CRYM: variants seen among roughly 807,000 people sequenced by gnomAD.
The protein encoded by CRYM is ketimine reductase mu-crystallin.
In CRYM, 18 loss-of-function variants were observed where a neutral mutation model predicts 32.9. The observed-to-expected ratio is 0.55, with a 90% CI of 0.38 to 0.81. The LOEUF (loss-of-function observed/expected upper bound fraction) is 0.81, where lower values mean the gene tolerates loss of function less well. Among genes scored for constraint, CRYM ranks in the 30% least tolerant of loss-of-function variants. CRYM has a pLI of 0.00. For missense variants in CRYM, 337 were observed against 393.5 expected, an observed-to-expected ratio of 0.86 and a Z score of 1.21; for synonymous variants, 153 against 152.4, an observed-to-expected ratio of 1.00 and a Z score of -0.03.
exon 1 of CRYM, chr16:21,302,999 C>T (rs1017141599): frequency 6.5e-6 from 1 of 153,688 alleles, no homozygotes; most frequent in African/African-American, 2.4e-5. Context: ...GCTGAGGAGG[C>T]CTCACAATCA....
upstream of CRYM, among the ~76,000 whole-genome samples, chr16:21,282,246 C>T (rs2093399520): frequency 6.6e-6 from 1 of 152,192 alleles, no homozygotes; most frequent in Admixed American, 6.5e-5. Context: ...TGAGGCCTCC[C>T]CAGCCATGTG....
At chr16:21,272,932 T>A (rs888256060) in intron 3 of CRYM, among the ~76,000 whole-genome samples, 1 of 149,100 alleles carries the variant, frequency 6.7e-6, no homozygotes, top group Non-Finnish European at 1.5e-5. Context: ...CCTCCCAAAG[T>A]GCTGGGATTG....
chr16:21,277,468 A>G lies in CRYM; in HGVS notation c.287T>C (p.Val96Ala). 9 of 1,613,744 alleles carry G rather than the reference A, an allele frequency of 5.6e-6. No individual in the cohort carries two copies. The highest frequency in any genetic ancestry group is 7.6e-6 in the Non-Finnish European group (9 of 1,179,960). ...GCCATTGCTGGGCTCAAAGAGTAGC[A>G]CAGTAGCCTGGTGGGAAGGGACGAC... ...TSVVPSHQAT[V>A]LLFEPSNGTL... is the part of the protein sequence containing the mutation. Residue 96 changes from valine to alanine, a missense_variant, in exon 2 of 8, where the codon GTG becomes GCG. By Grantham distance (64) the Val-to-Ala change is moderately conservative. Transcript: ENST00000572914. The surrounding 1 kb of genome is among the most constrained non-coding windows in gnomAD (Gnocchi z 4.2).
chr16:21,259,400 G>A (rs985897452), intron 7 of CRYM, among the ~76,000 whole-genome samples: 4 of 151,868 alleles, frequency 2.6e-5, no homozygotes, highest in African/African-American at 9.7e-5. Context: ...GAGCCACCAC[G>A]CCTGGCCTGA....
At chr16:21,290,655 A>G (rs1322533071) in intron 1 of CRYM, among the ~76,000 whole-genome samples, 1 of 152,176 alleles carries the variant, frequency 6.6e-6, no homozygotes, top group Non-Finnish European at 1.5e-5. Flanking sequence ...GAAGTCTTAC[A>G]GTGACAGTTC....
intron 1 of CRYM, among the ~76,000 whole-genome samples, chr16:21,288,744 GA>G (rs573133064): frequency 8.5e-5 from 13 of 152,212 alleles, no homozygotes; most frequent in East Asian, 7.7e-4. Context: ...GAATAAATGT[GA>G]AAAAACTAAA....
Position 21,277,977 on chromosome 16 carries a change from G to T in CRYM, c.170+105C>A. 1.5e-6 allele frequency: 2 copies of T among 1,335,702 alleles called. No individual in the cohort carries two copies. Among genetic ancestry groups the T allele is most frequent in the Non-Finnish European group, 2.0e-6 (2 of 986,814 alleles). 82.7% of individuals were successfully genotyped at this position (1,335,702 alleles called of 1,614,324 possible). A position where few individuals can be genotyped will look rare whatever the true frequency, so the allele number is the denominator to read the frequency against. On this transcript the variant is annotated intron_variant, in intron 1 of 7. Coordinates refer to ENST00000572914, the MANE Select transcript of CRYM (RefSeq NM_001376256.1). This position sits in a 1 kb window ranked among gnomAD's most constrained non-coding sequence, Gnocchi z 4.2. ...ATTAAAAGTGGCAGCTGTTAGCAAC[G>T]GTTAGGCAAGCCGTCTCTTCCCTTC...
At chr16:21,276,759 A>T (rs1397885798) in intron 2 of CRYM, among the ~76,000 whole-genome samples, 1 of 152,230 alleles carries the variant, frequency 6.6e-6, no homozygotes, top group Admixed American at 6.5e-5. Context: ...GTGGACTTAG[A>T]CTGAGCAGCT....
chr16:21,258,928 T>C, intron 7 of CRYM, 83 bp from the exon 8 acceptor site: 2 of 1,101,650 alleles, frequency 1.8e-6, no homozygotes, highest in Non-Finnish European at 1.4e-6. Context: ...GGAAGTTTCC[T>C]GATACATGTC....
At chr16:21,265,978 C>A (rs2093363036) in intron 5 of CRYM, among the ~76,000 whole-genome samples, 1 of 152,184 alleles carries the variant, frequency 6.6e-6, no homozygotes, top group Non-Finnish European at 1.5e-5. Context: ...AATCCCAGCA[C>A]TTTGGGAGGC....
intron 1 of CRYM, among the ~76,000 whole-genome samples, chr16:21,299,219 C>T (rs936898758): frequency 2.0e-5 from 3 of 152,190 alleles, no homozygotes; most frequent in Non-Finnish European, 1.5e-5. Context: ...CCACACACTG[C>T]CGGGAGGAAA....
At chr16:21,298,796 A>C (rs1300126769) in intron 1 of CRYM, among the ~76,000 whole-genome samples, 1 of 152,190 alleles carries the variant, frequency 6.6e-6, no homozygotes. Flanking sequence ...TCGATGTTTG[A>C]AATATCTCAT....
intron 5 of CRYM, among the ~76,000 whole-genome samples, chr16:21,263,357 C>T (rs929096681): frequency 2.6e-5 from 4 of 152,154 alleles, no homozygotes; most frequent in South Asian, 2.1e-4. Context: ...GCCAAGACTG[C>T]GCCACTGTGC....
intron 1 of CRYM, chr16:21,284,213 T>G (rs958519144): frequency 6.6e-6 from 1 of 152,146 alleles, no homozygotes; most frequent in Non-Finnish European, 1.5e-5. Context: ...TTGGTGCTAG[T>G]CTGACTTGAG....
Position 21,277,088 on chromosome 16 carries a change from CAGTA to C in CRYM, c.324+339_324+342del, listed in dbSNP as rs1231960080. Among the ~76,000 whole-genome samples, 3 of 152,178 alleles carry C rather than the reference CAGTA, an allele frequency of 2.0e-5. No individual in the cohort carries two copies. Among genetic ancestry groups the C allele is most frequent in the South Asian group, 4.1e-4 (2 of 4,834 alleles). ...CTTCTTTTCCATGTCGACAAGGATT[CAGTA>C]AGTAAGTCTTCCCTTGGCTAATGGG... On this transcript the variant is annotated intron_variant, in intron 2 of 7. Transcript: ENST00000572914. This position sits in a 1 kb window ranked among gnomAD's most constrained non-coding sequence, Gnocchi z 4.2.
At chr16:21,261,174 G>T in intron 7 of CRYM, 80 bp downstream of exon 7, 1 of 1,010,612 alleles carries the variant, frequency 9.9e-7, no homozygotes, top group Non-Finnish European at 1.6e-6. Flanking sequence ...AGAGTCTGGT[G>T]ACTCATTGCT....
chr16:21,286,510 A>G (rs2093407615), intron 1 of CRYM, among the ~76,000 whole-genome samples: 1 of 151,842 alleles, frequency 6.6e-6, no homozygotes, highest in Non-Finnish European at 1.5e-5. Context: ...TACAGGCATG[A>G]GCCACCGCAC....
At chr16:21,282,903 G>A (rs1357767714), upstream of CRYM, among the ~76,000 whole-genome samples, 1 of 150,952 alleles carries the variant, frequency 6.6e-6, no homozygotes, top group Non-Finnish European at 1.5e-5. Flanking sequence ...TTAAATATTA[G>A]GTGTTATTGA....
At chr16:21,272,107 C>A (rs2093376719) in intron 3 of CRYM, among the ~76,000 whole-genome samples, 1 of 151,794 alleles carries the variant, frequency 6.6e-6, no homozygotes, top group Non-Finnish European at 1.5e-5. Context: ...AAGTGATCCA[C>A]CTGCCTCGGC....
Sources: gnomAD v4.1 joint callset for allele counts (sites outside exome capture counted in the v4.1 genomes callset) on GRCh38, gnomAD v4.1.1 for gene constraint, Gnocchi (gnomAD v3.1) non-coding constraint, MANE v1.5 for transcripts, NCBI Gene and HGNC (gene_info 2026-07-23, HGNC 2026-07-21) for gene names.